The following STARD13 variants were observed in gnomAD, a reference collection of about 807,000 sequenced individuals.
The protein encoded by STARD13 is stAR-related lipid transfer protein 13.
A neutral mutation model predicts 106.4 loss-of-function variants in STARD13; 62 were observed. That is an observed-to-expected ratio of 0.58 (90% CI 0.48 to 0.72). STARD13 has a LOEUF of 0.72. Ranked by LOEUF, STARD13 falls within the 30% of genes least tolerant of loss-of-function variation. The pLI is 0.00. For synonymous variants in STARD13, 565 were observed against 553.0 expected (o/e 1.02, Z -0.31); for missense variants, 1,387 against 1,424.0 (o/e 0.97, Z 0.42).
rs1043932580 is a variant in STARD13, at chr13:33,130,260, A to G, written c.417T>C (p.Cys139=). The change falls in exon 5 of 14, where the codon TGT becomes TGC. Residue 139 remains cysteine, a synonymous_variant. Transcript: ENST00000336934. This position sits in a 1 kb window ranked among gnomAD's most constrained non-coding sequence, Gnocchi z 4.1. The part of the protein sequence containing the change: ...KGDDSDEEDL[C]ISNKWTFQRT... ...TTTGGAAAGTCCATTTGTTGCTGAT[A>G]CAAAGATCTTCCTCATCGGAGTCGT... 1.2e-5 allele frequency: 20 copies of G among 1,604,278 alleles called. No homozygotes were observed. The highest frequency in any genetic ancestry group is 1.7e-5 in the Admixed American group (1 of 60,004).
chr13:33,516,519 A>C, the STARD13 span, among the ~76,000 whole-genome samples: 2 of 152,048 alleles, frequency 1.3e-5, no homozygotes, highest in Admixed American at 1.3e-4. Flanking sequence ...TCCATATCCA[A>C]AGTTAATTTG....
At chr13:33,418,750 T>G in the STARD13 span, among the ~76,000 whole-genome samples, 3 of 152,194 alleles carry the variant, frequency 2.0e-5, no homozygotes, top group Non-Finnish European at 4.4e-5. Context: ...AGAGGAAGGA[T>G]AAGCCTGCAA....
the STARD13 span, among the ~76,000 whole-genome samples, chr13:33,633,531 T>C: frequency 1.3e-5 from 2 of 152,248 alleles, no homozygotes; most frequent in African/African-American, 4.8e-5. Flanking sequence ...ACAGATTGCA[T>C]CTGCAGCTTC....
chr13:33,490,944 T>A, the STARD13 span, among the ~76,000 whole-genome samples: 1 of 152,332 alleles, frequency 6.6e-6, no homozygotes, highest in Non-Finnish European at 1.5e-5. Context: ...CCTGCCCATC[T>A]GCATGCTCCT....
the STARD13 span, among the ~76,000 whole-genome samples, chr13:33,551,251 C>T: frequency 6.6e-6 from 1 of 152,176 alleles, no homozygotes; most frequent in Non-Finnish European, 1.5e-5. Context: ...AAAGATACTT[C>T]ACAGCTGAAG....
the STARD13 span, among the ~76,000 whole-genome samples, chr13:33,480,394 CA>C: frequency 1.3e-5 from 2 of 152,088 alleles, no homozygotes; most frequent in Non-Finnish European, 2.9e-5. Context: ...TATAACCATA[CA>C]GAGAAGAAGT....
chr13:33,217,945 G>C (rs1195577616), intron 1 of STARD13, among the ~76,000 whole-genome samples: 1 of 151,532 alleles, frequency 6.6e-6, no homozygotes, highest in Non-Finnish European at 1.5e-5. Flanking sequence ...CATTTACTGA[G>C]TGTCTACTTC....
At chr13:33,254,603 GC>G (rs1389858164) in intron 1 of STARD13, among the ~76,000 whole-genome samples, 1 of 152,090 alleles carries the variant, frequency 6.6e-6, no homozygotes, top group Admixed American at 6.6e-5. Context: ...GGCCTGCCAT[GC>G]CCCCCTATCC....
At chr13:33,173,860 G>A (rs1180534416) in intron 1 of STARD13, among the ~76,000 whole-genome samples, 2 of 152,158 alleles carry the variant, frequency 1.3e-5, no homozygotes, top group African/African-American at 2.4e-5. Context: ...TGGAAGACCC[G>A]TATAGAGTGA....
chr13:33,614,005 A>C, the STARD13 span, among the ~76,000 whole-genome samples: 1 of 152,248 alleles, frequency 6.6e-6, no homozygotes, highest in Non-Finnish European at 1.5e-5. Context: ...CTAAGTGCAC[A>C]TGAACATAGT....
At chr13:33,262,790 G>A (rs1890717449) in intron 1 of STARD13, among the ~76,000 whole-genome samples, 1 of 152,032 alleles carries the variant, frequency 6.6e-6, no homozygotes, top group Admixed American at 6.6e-5. Flanking sequence ...CTCTGCTCAT[G>A]TAAGCCCTGC....
chr13:33,374,899 A>C, the STARD13 span, among the ~76,000 whole-genome samples: 1 of 152,176 alleles, frequency 6.6e-6, no homozygotes, highest in East Asian at 1.9e-4. Flanking sequence ...TCTAATATAC[A>C]ATCCAAAATT....
chr13:33,214,699 TACACACACACACAC>T (rs55996131), intron 1 of STARD13, among the ~76,000 whole-genome samples: 346 of 144,140 alleles, frequency 2.4e-3, no homozygotes, highest in African/African-American at 8.0e-3. Flanking sequence ...CATGCACACA[TACACACACACACAC>T]ACACACACAC....
At chr13:33,172,411 A>C (rs544770103) in intron 1 of STARD13, among the ~76,000 whole-genome samples, 1 of 152,196 alleles carries the variant, frequency 6.6e-6, no homozygotes, top group African/African-American at 2.4e-5. Context: ...CTGGAAGTCT[A>C]TGGGAGTTAA....
At chr13:33,378,104 G>A in the STARD13 span, among the ~76,000 whole-genome samples, 1 of 152,128 alleles carries the variant, frequency 6.6e-6, no homozygotes, top group Non-Finnish European at 1.5e-5. Flanking sequence ...AGTTTCCTTG[G>A]TTATCATACT....
the STARD13 span, among the ~76,000 whole-genome samples, chr13:33,621,927 C>A: frequency 4.4e-3 from 674 of 151,552 alleles, no homozygotes; most frequent in Non-Finnish European, 6.6e-3. Context: ...ACCTCAGCCT[C>A]CTGAGTAGCT....
At chr13:33,262,751 T>G (rs182443599) in intron 1 of STARD13, among the ~76,000 whole-genome samples, 2 of 150,984 alleles carry the variant, frequency 1.3e-5, no homozygotes, top group Admixed American at 6.6e-5. Flanking sequence ...TAGAGTCCAG[T>G]TCCCACCCAG....
intron 1 of STARD13, among the ~76,000 whole-genome samples, chr13:33,296,491 A>G (rs1892500184): frequency 6.6e-6 from 1 of 151,960 alleles, no homozygotes; most frequent in Admixed American, 6.6e-5. Flanking sequence ...TAAGTATTCA[A>G]TAGAGTCTTA....
chr13:33,203,685 A>G (rs1255436485), intron 1 of STARD13, among the ~76,000 whole-genome samples: 1 of 152,268 alleles, frequency 6.6e-6, no homozygotes, highest in Non-Finnish European at 1.5e-5. Context: ...TAGTTATTCT[A>G]CAAAGAGAAA....
Sources: gnomAD v4.1 joint callset for allele counts (sites outside exome capture counted in the v4.1 genomes callset) on GRCh38, gnomAD v4.1.1 for gene constraint, Gnocchi (gnomAD v3.1) non-coding constraint, MANE v1.5 for transcripts, NCBI Gene and HGNC (gene_info 2026-07-23, HGNC 2026-07-21) for gene names.